Variants in FGF12 observed in about 807,000 individuals in gnomAD.
FGF12 encodes fibroblast growth factor 12B.
Under a neutral mutation model 23.6 loss-of-function variants are expected in FGF12, and 14 were observed. The observed-to-expected ratio is 0.59, with a 90% CI of 0.39 to 0.93. The LOEUF (loss-of-function observed/expected upper bound fraction) is 0.93, where lower values mean the gene tolerates loss of function less well. Among genes scored for constraint, FGF12 ranks in the 40% least tolerant of loss-of-function variants. The pLI is 0.00. For synonymous variants in FGF12, 62 were observed against 77.3 expected, an observed-to-expected ratio of 0.80 and a Z score of 1.04; for missense variants, 175 against 217.8, an observed-to-expected ratio of 0.80 and a Z score of 1.24.
intron 4 of FGF12, among the ~76,000 whole-genome samples, chr3:192,194,717 A>C (rs2108652724): frequency 6.6e-6 from 1 of 152,322 alleles, no homozygotes; most frequent in African/African-American, 2.4e-5. Context: ...AACCAATACT[A>C]TCTTTGAAAC....
At chr3:192,683,606 T>G (rs1425867403) in intron 2 of FGF12, among the ~76,000 whole-genome samples, 6 of 152,150 alleles carry the variant, frequency 3.9e-5, no homozygotes, top group Admixed American at 1.3e-4. Context: ...CCCGCTCTAT[T>G]AAGCAGCTGT....
At chr3:192,472,842 G>C (rs1257902752) in intron 2 of FGF12, among the ~76,000 whole-genome samples, 2 of 152,070 alleles carry the variant, frequency 1.3e-5, no homozygotes, top group Non-Finnish European at 2.9e-5. Flanking sequence ...CCATGATTTC[G>C]AGTTTGTACT....
chr3:192,437,037 A>T (rs1010584801), intron 2 of FGF12, among the ~76,000 whole-genome samples: 4 of 152,228 alleles, frequency 2.6e-5, no homozygotes, highest in African/African-American at 9.6e-5. Context: ...AGAGTGATAT[A>T]GTCTGAATTG....
intron 2 of FGF12, among the ~76,000 whole-genome samples, chr3:192,429,680 G>C (rs1032189002): frequency 3.3e-5 from 5 of 152,134 alleles, no homozygotes; most frequent in African/African-American, 1.2e-4. Context: ...CACAATGTAT[G>C]TTACTTTTTG....
rs182978846 is a variant in FGF12 at position 192,258,341 on chromosome 3, C to A, written c.228+77020G>T. Among the ~76,000 whole-genome samples the A allele has an allele frequency of 1.7e-3, 259 of 152,094 alleles. 1 individual carries two copies. Among genetic ancestry groups the A allele is most frequent in the African/African-American group, 5.9e-3 (244 of 41,520 alleles). On this transcript the variant is annotated intron_variant, in intron 4 of 5. Coordinates refer to ENST00000445105, the MANE Select transcript of FGF12 (RefSeq NM_004113.6). ...GGCGTGGTAGTGCACGTGTGTAGTC[C>A]CAGCTACTAAGGAGGCTGAGGCAGG...
At chr3:192,334,142 C>T (rs745859479) in intron 4 of FGF12, among the ~76,000 whole-genome samples, 1 of 152,026 alleles carries the variant, frequency 6.6e-6, no homozygotes, top group Non-Finnish European at 1.5e-5. Context: ...CAGGTCCGAG[C>T]TTAGGCAGAT....
chr3:192,174,813 T>C (rs1206812009), intron 4 of FGF12, among the ~76,000 whole-genome samples: 1 of 152,166 alleles, frequency 6.6e-6, no homozygotes, highest in Non-Finnish European at 1.5e-5. Context: ...AGGTAAGTGA[T>C]TACAATTCTC....
intron 4 of FGF12, among the ~76,000 whole-genome samples, chr3:192,326,615 A>G (rs1036924509): frequency 3.9e-5 from 6 of 152,186 alleles, no homozygotes; most frequent in African/African-American, 1.4e-4. Context: ...ACATGCATCA[A>G]TCAAGCAGTC....
At position 192,284,980 on chromosome 3, in the gene FGF12, T is replaced by C. The variant is rs75526767; in HGVS notation, c.228+50381A>G. On this transcript the variant is annotated intron_variant, in intron 4 of 5. Transcript: ENST00000445105. ...CTGATTGGACTGCCCAGGAGCTACT[T>C]TAGTTAGGTTCCACCAAGGTACAAG... Among the ~76,000 whole-genome samples, 8 of 152,124 alleles carry C rather than the reference T, an allele frequency of 5.3e-5. No homozygotes were observed. In the East Asian group the frequency reaches 7.7e-4, roughly 15 times the overall value.
chr3:192,315,231 C>T (rs73066558), intron 4 of FGF12, among the ~76,000 whole-genome samples: 12,400 of 152,068 alleles, frequency 0.082, 754 homozygotes, highest in East Asian at 0.19. Flanking sequence ...CTTATTTGAC[C>T]CCATCACAGG....
chr3:192,214,548 G>A (rs1718093782), intron 4 of FGF12, among the ~76,000 whole-genome samples: 1 of 152,178 alleles, frequency 6.6e-6, no homozygotes, highest in African/African-American at 2.4e-5. Flanking sequence ...GTAGAAAAAA[G>A]GAGCTCTAAC....
chr3:192,504,083 C>T (rs939064063), intron 2 of FGF12, among the ~76,000 whole-genome samples: 5 of 151,910 alleles, frequency 3.3e-5, no homozygotes, highest in Non-Finnish European at 7.4e-5. Flanking sequence ...CGAACTAACA[C>T]AGGAACAGAA....
chr3:192,664,949 G>A (rs953461470), intron 2 of FGF12, among the ~76,000 whole-genome samples: 4 of 152,132 alleles, frequency 2.6e-5, no homozygotes, highest in Non-Finnish European at 5.9e-5. Context: ...AGAAGAACTA[G>A]AAAACACAGA....
At chr3:192,322,219 T>C (rs1156991192) in intron 4 of FGF12, among the ~76,000 whole-genome samples, 2 of 151,854 alleles carry the variant, frequency 1.3e-5, no homozygotes, top group African/African-American at 4.8e-5. Context: ...CAATTTACAA[T>C]AGCAACAAAT....
chr3:192,196,373 T>A (rs1397791772), intron 4 of FGF12, among the ~76,000 whole-genome samples: 2 of 152,212 alleles, frequency 1.3e-5, no homozygotes, highest in Non-Finnish European at 2.9e-5. Context: ...TTTTAATTCC[T>A]TGGGCAAAGT....
rs140318394 is a variant in FGF12 at position 192,170,735 on chromosome 3, T to C, written c.229-79A>G. The C allele has an allele frequency of 5.3e-4, 635 of 1,194,578 alleles. 4 individuals carry two copies. The African/African-American group carries it at 8.4e-3, about 16-fold the overall frequency. The allele number at this position is 1,194,578 out of a possible 1,614,324, so 74.0% of individuals were successfully genotyped here. A position where few individuals can be genotyped will look rare whatever the true frequency, so the allele number is the denominator to read the frequency against. On this transcript the variant is annotated intron_variant, in intron 4 of 5. Transcript: ENST00000445105. ...CAGCAAATGCTTAAATCCAATAAGC[T>C]TGAAATCCATGTCCTCTGTTAAGAA... is the stretch of plus-strand genomic sequence containing the variant.
chr3:192,543,665 C>T (rs542780767), intron 2 of FGF12, among the ~76,000 whole-genome samples: 1 of 152,248 alleles, frequency 6.6e-6, no homozygotes, highest in East Asian at 1.9e-4. Flanking sequence ...AGGCCCACAG[C>T]GAGTACTGCC....
At position 192,161,485 on chromosome 3, in the gene FGF12, A is replaced by C. The variant is rs78643899; in HGVS notation, c.427+8973T>G. Among the ~76,000 whole-genome samples, 1,079 of 143,910 alleles carry C rather than the reference A, an allele frequency of 7.5e-3. 8 individuals are homozygous for C. The highest frequency in any genetic ancestry group is 0.012 in the Non-Finnish European group (767 of 65,954). 94.4% of individuals were successfully genotyped at this position (143,910 alleles called of 152,430 possible). A position where few individuals can be genotyped will look rare whatever the true frequency, so the allele number is the denominator to read the frequency against. The stretch of plus-strand genomic sequence containing the variant: ...TTAAGTAACTAAATTGAATAACTTT[A>C]AGGAATGACAACGCCTATTTACACA... On this transcript the variant is annotated intron_variant, in intron 5 of 5. Transcript: ENST00000445105.
chr3:192,187,300 T>G lies in FGF12; in HGVS notation c.229-16644A>C, dbSNP rs77914863. 3.3e-3 allele frequency among the ~76,000 whole-genome samples: 501 copies of G among 152,252 alleles called. 8 individuals are homozygous for G. The highest frequency in any genetic ancestry group is 0.031 in the East Asian group (162 of 5,182). ...GTCTTTTTTTGAGCAAAGGCAAAAT[T>G]TATATAGTATATCTTATAATTTATC... On this transcript the variant is annotated intron_variant, in intron 4 of 5. Transcript: ENST00000445105.
Sources: gnomAD v4.1 joint callset for allele counts (sites outside exome capture counted in the v4.1 genomes callset) on GRCh38, gnomAD v4.1.1 for gene constraint, MANE v1.5 for transcripts, NCBI Gene and HGNC (gene_info 2026-07-23, HGNC 2026-07-21) for gene names.